HTR2C: variants seen among roughly 807,000 people sequenced by gnomAD.
HTR2C encodes the protein 5-hydroxytryptamine (serotonin) receptor 2C, G protein-coupled.
In HTR2C, 5 loss-of-function variants were observed where a neutral mutation model predicts 21.0. The ratio of observed to expected loss-of-function variants is 0.24; its 90% CI spans 0.12 to 0.50. HTR2C has a LOEUF of 0.50. HTR2C is among the 20% of genes least tolerant of loss of function. HTR2C has a pLI of 0.98. For missense variants in HTR2C, 271 were observed against 371.2 expected (o/e 0.73, Z 2.22); for synonymous variants, 150 against 145.3 (o/e 1.03, Z -0.23).
chrX:114,732,084 C>A (rs1433003370), intron 4 of HTR2C, among the ~76,000 whole-genome samples: 1 of 111,734 alleles, frequency 8.9e-6, no homozygotes, highest in Non-Finnish European at 1.9e-5. Flanking sequence ...AGCTATTCTT[C>A]TTGTTCATGG....
At chrX:114,802,692 T>TTCTA (rs1237550569) in intron 4 of HTR2C, among the ~76,000 whole-genome samples, 37 of 86,559 alleles carry the variant, frequency 4.3e-4, no homozygotes, top group African/African-American at 1.6e-3. Context: ...GATTCTTTCT[T>TTCTA]TCTTTCTTTC....
intron 4 of HTR2C, among the ~76,000 whole-genome samples, chrX:114,792,684 G>A (rs1427561777): frequency 9.0e-6 from 1 of 111,662 alleles, no homozygotes; most frequent in Admixed American, 9.6e-5. Flanking sequence ...GATCCTTGAG[G>A]AATTGCCACA....
intron 2 of HTR2C, among the ~76,000 whole-genome samples, chrX:114,676,546 A>T (rs782628753): frequency 1.2e-4 from 13 of 112,574 alleles, no homozygotes; most frequent in Admixed American, 4.7e-4. Flanking sequence ...CCATTTGGAA[A>T]GGAAGAATTC....
intron 5 of HTR2C, among the ~76,000 whole-genome samples, chrX:114,864,423 C>A (rs1194754420): frequency 9.0e-6 from 1 of 111,542 alleles, no homozygotes. Flanking sequence ...CTTTTACCTT[C>A]CTTCCTCACA....
chrX:114,653,763 A>C (rs935605923), intron 2 of HTR2C, among the ~76,000 whole-genome samples: 1 of 111,048 alleles, frequency 9.0e-6, no homozygotes, highest in Admixed American at 9.7e-5. Flanking sequence ...ATTGGAATCC[A>C]TATAAATGTT....
chrX:114,776,559 G>A, intron 4 of HTR2C: 3 of 529,921 alleles, frequency 5.7e-6, no homozygotes, highest in Non-Finnish European at 1.0e-5. Flanking sequence ...CATCCAATCA[G>A]ATGTTTGGCA....
chrX:114,814,981 T>C (rs2070571354), intron 4 of HTR2C, among the ~76,000 whole-genome samples: 1 of 103,682 alleles, frequency 9.6e-6, no homozygotes, highest in Non-Finnish European at 1.9e-5. Flanking sequence ...TATAATACAT[T>C]ATATATTATA....
chrX:114,795,175 C>G (rs1228195328), intron 4 of HTR2C, among the ~76,000 whole-genome samples: 2 of 110,678 alleles, frequency 1.8e-5, no homozygotes, highest in African/African-American at 6.6e-5. Context: ...TAAATGTCTT[C>G]TTTTGTGAAG....
chrX:114,690,579 G>T (rs1371980749), intron 2 of HTR2C, among the ~76,000 whole-genome samples: 1 of 110,950 alleles, frequency 9.0e-6, no homozygotes, highest in Non-Finnish European at 1.9e-5. Flanking sequence ...CTGCATTTTA[G>T]GAAGTAGCTC....
At chrX:114,902,505 C>A (rs2071343742) in intron 5 of HTR2C, among the ~76,000 whole-genome samples, 1 of 111,318 alleles carries the variant, frequency 9.0e-6, no homozygotes, top group South Asian at 3.7e-4. Context: ...ATAATAAACC[C>A]ATCTAAGGTT....
rs782615657 is a variant in HTR2C, at chrX:114,809,058, C to G, written c.350-38945C>G. Among the ~76,000 whole-genome samples, 17 of 111,005 alleles carry G rather than the reference C, an allele frequency of 1.5e-4. No homozygotes were observed. In the South Asian group the frequency reaches 6.5e-3, roughly 43 times the overall value. ...CACAATTATTTGATGACAAATCCAGCCAGGCCTGTGTCCTTCCCTTCAGGG... is the reference window on the plus strand; with the variant it reads ...CACAATTATTTGATGACAAATCCAGGCAGGCCTGTGTCCTTCCCTTCAGGG... On this transcript the variant is annotated intron_variant, in intron 4 of 5. Transcript: ENST00000276198.
intron 4 of HTR2C, among the ~76,000 whole-genome samples, chrX:114,757,426 A>G (rs1315803146): frequency 8.9e-6 from 1 of 111,849 alleles, no homozygotes; most frequent in Non-Finnish European, 1.9e-5. Context: ...ACATAATGAA[A>G]CAAACAAACA....
intron 5 of HTR2C, among the ~76,000 whole-genome samples, chrX:114,861,804 C>CT (rs2071008764): frequency 9.0e-6 from 1 of 111,120 alleles, no homozygotes; most frequent in Non-Finnish European, 1.9e-5. Context: ...CTATTCTTGT[C>CT]TTTTTTCTAA....
rs781801396 is a variant in HTR2C at position 114,598,875 on chromosome X, T to A, written c.-147+14216T>A. On this transcript the variant is annotated intron_variant, in intron 1 of 5. Coordinates refer to ENST00000276198, the MANE Select transcript of HTR2C (RefSeq NM_000868.4). ...TGCCTGTTATTATTAAATGATTATATATTATTAAAGATGAACAAATTAAGA... is the reference window on the plus strand; with the variant it reads ...TGCCTGTTATTATTAAATGATTATAAATTATTAAAGATGAACAAATTAAGA... 4.5e-5 allele frequency among the ~76,000 whole-genome samples: 5 copies of A among 111,494 alleles called. No homozygotes were observed. In the South Asian group the frequency reaches 1.9e-3, roughly 41 times the overall value.
chrX:114,899,375 C>A, intron 5 of HTR2C, among the ~76,000 whole-genome samples: 1 of 111,120 alleles, frequency 9.0e-6, no homozygotes, highest in Non-Finnish European at 1.9e-5. Flanking sequence ...GGACCTCCCG[C>A]CTTGCCTGAG....
chrX:114,825,715 G>A (rs2070672450), intron 4 of HTR2C, among the ~76,000 whole-genome samples: 1 of 111,676 alleles, frequency 9.0e-6, no homozygotes, highest in African/African-American at 3.3e-5. Context: ...AAGGGGTGTT[G>A]AAATCTTGAA....
chrX:114,765,016 CTTTCTTTCTTT>C (rs1355468699), intron 4 of HTR2C, among the ~76,000 whole-genome samples: 1 of 104,731 alleles, frequency 9.5e-6, no homozygotes, highest in African/African-American at 3.5e-5. Flanking sequence ...CTCTCTCTTT[CTTTCTTTCTTT>C]TTTCTTTCTT....
intron 2 of HTR2C, among the ~76,000 whole-genome samples, chrX:114,708,436 A>G (rs984919846): frequency 8.0e-5 from 9 of 112,002 alleles, no homozygotes; most frequent in Non-Finnish European, 1.3e-4. Context: ...AATTAAAGTC[A>G]ACTTATTCCA....
chrX:114,766,357 A>G (rs2069947895), intron 4 of HTR2C, among the ~76,000 whole-genome samples: 1 of 111,498 alleles, frequency 9.0e-6, no homozygotes, highest in African/African-American at 3.2e-5. Flanking sequence ...CTTTATAATC[A>G]GTTTGGTTAG....
Sources: gnomAD v4.1 joint callset for allele counts (sites outside exome capture counted in the v4.1 genomes callset) on GRCh38, gnomAD v4.1.1 for gene constraint, MANE v1.5 for transcripts, NCBI Gene and HGNC (gene_info 2026-07-23, HGNC 2026-07-21) for gene names.